The following KRT74 variants were observed in gnomAD, a reference collection of about 807,000 sequenced individuals.
KRT74 encodes keratin, type II cytoskeletal 74.
In KRT74, 43 loss-of-function variants were observed where a neutral mutation model predicts 42.7. The observed-to-expected ratio is 1.01, with a 90% CI of 0.79 to 1.30. KRT74 has a LOEUF of 1.30. Ranked by LOEUF, KRT74 falls within the 50% of genes most tolerant of loss-of-function variation. The pLI is 0.00. For missense variants in KRT74, 736 were observed against 689.1 expected (o/e 1.07, Z -0.76); for synonymous variants, 302 against 279.0 (o/e 1.08, Z -0.82).
chr12:52,572,525 A>T lies in KRT74; in HGVS notation c.614T>A (p.Leu205Gln), dbSNP rs1375682323. 6.2e-7 allele frequency: 1 copy of T among 1,614,096 alleles called. No individual in the cohort carries two copies. Among genetic ancestry groups the T allele is most frequent in the Non-Finnish European group, 8.5e-7 (1 of 1,180,054 alleles). Residue 205 changes from leucine (L) to glutamine (Q), a missense_variant, in exon 2 of 9, where the codon CTG (leucine) becomes CAG (glutamine). By Grantham distance (113) the Leu-to-Gln change is moderately radical. Transcript: ENST00000305620. Reference sequence around the variant, plus strand: ...GTCCAGCCTCACCCTGTCCCCAGACAGTGTCTCCAGCTGCTTCCGCAGGTT... The same window carrying T: ...GTCCAGCCTCACCCTGTCCCCAGACTGTGTCTCCAGCTGCTTCCGCAGGTT... The part of the protein sequence containing the change: ...ISNLRKQLET[L>Q]SGDRVRLDSE...
At chr12:52,573,078 T>C (rs1337716630) in intron 1 of KRT74, among the ~76,000 whole-genome samples, 3 of 152,192 alleles carry the variant, frequency 2.0e-5, no homozygotes, top group Non-Finnish European at 2.9e-5. Context: ...AGGGCTGCTC[T>C]TTACCCAGCT....
chr12:52,568,777 T>G (rs531039362), intron 6 of KRT74, among the ~76,000 whole-genome samples: 2 of 152,338 alleles, frequency 1.3e-5, no homozygotes, highest in Non-Finnish European at 2.9e-5. Context: ...GTGATCAGAT[T>G]CCTGCTGCAG....
rs759304994 is a variant in KRT74, at chr12:52,573,635, C to T, written c.143G>A (p.Arg48Gln). Residue 48 changes from arginine (R) to glutamine (Q), a missense_variant, in exon 1 of 9, where the codon CGG becomes CAG. Coordinates refer to ENST00000305620, the MANE Select transcript of KRT74 (RefSeq NM_175053.4). ...GRGAGAGFGS[R>Q]SLYSLGGNRR... ...ATTCCCTCCAAGGCTATAGAGGCTC[C>T]GACTGCCAAAGCCAGCGCCAGCCCC... The T allele has an allele frequency of 8.1e-5, 131 of 1,614,040 alleles. 1 individual carries two copies. In the Admixed American group the frequency reaches 1.9e-3, roughly 23 times the overall value.
chr12:52,570,180 A>G (rs1476268632), intron 5 of KRT74, among the ~76,000 whole-genome samples, 196 bp from the exon 6 acceptor site: 2 of 151,912 alleles, frequency 1.3e-5, no homozygotes, highest in African/African-American at 4.8e-5. Context: ...TACTCAGTTT[A>G]CCCAAAGCAT....
At chr12:52,572,409 G>C (rs1467177334) in intron 2 of KRT74, 44 bp downstream of exon 2, 3 of 1,600,338 alleles carry the variant, frequency 1.9e-6, no homozygotes, top group Non-Finnish European at 2.6e-6. Flanking sequence ...GAGCCCAGAG[G>C]CACGGGAAAC....
At chr12:52,569,160 T>G (rs73107551) in intron 6 of KRT74, among the ~76,000 whole-genome samples, 7,012 of 152,166 alleles carry the variant, frequency 0.046, 219 homozygotes, top group East Asian at 0.12. Flanking sequence ...GCAGACCTGG[T>G]TCTCAGAGAG....
intron 2 of KRT74, 108 bp downstream of exon 2, chr12:52,572,345 G>A (rs946754857): frequency 4.8e-5 from 57 of 1,175,844 alleles, no homozygotes; most frequent in Non-Finnish European, 6.7e-5. Context: ...GTGAGCTCCT[G>A]ACCCTGGTGC....
intron 2 of KRT74, 150 bp from the exon 3 acceptor site, chr12:52,572,154 G>GTTGCT (rs1410866232): frequency 2.7e-6 from 2 of 739,756 alleles, no homozygotes; most frequent in African/African-American, 3.5e-5. Flanking sequence ...ATATCCCTGA[G>GTTGCT]TTGCTTCACT....
rs1463416139 is a variant in KRT74, at chr12:52,569,979, C to T, written c.1014G>A (p.Gln338=). The change falls in exon 6 of 9, where the codon CAG becomes CAA. Residue 338 remains glutamine (Q), a synonymous_variant. Coordinates refer to ENST00000305620, the MANE Select transcript of KRT74 (RefSeq NM_175053.4). ...EAEALYQTKI[Q]ELQLAASRHG... is the part of the protein sequence containing the mutation. Reference sequence around the variant, plus strand: ...GCCGACTGGCTGCCAGCTGCAGCTCCTGGATCTGGTTTCCCAGAGATAGGA... The same window carrying T: ...GCCGACTGGCTGCCAGCTGCAGCTCTTGGATCTGGTTTCCCAGAGATAGGA... The T allele has an allele frequency of 3.7e-6, 6 of 1,613,984 alleles. No homozygotes were observed. In the African/African-American group the frequency reaches 8.0e-5, roughly 22 times the overall value.
rs1168167573 is a variant in KRT74, at chr12:52,566,238, G to C, written c.*731C>G. On this transcript the variant is annotated 3_prime_UTR_variant, in exon 9 of 9. Transcript: ENST00000305620. ...CCTCTTGGGATCAGGCTCCCAGTCT[G>C]TTCCAAGGATGCTCATTGCATCTTC... 1.3e-5 allele frequency: 2 copies of C among 152,322 alleles called. No individual in the cohort carries two copies. The highest frequency in any genetic ancestry group is 3.4e-3 in the Middle Eastern group (1 of 294). The allele number at this position is 152,322 out of a possible 1,614,324, so 9.4% of individuals were successfully genotyped here. A position where few individuals can be genotyped will look rare whatever the true frequency, so the allele number is the denominator to read the frequency against.
chr12:52,569,217 G>A lies in KRT74; in HGVS notation c.1134+642C>T, dbSNP rs57873680. Among the ~76,000 whole-genome samples the A allele has an allele frequency of 4.4e-3, 668 of 152,122 alleles. 2 individuals carry two copies. Among genetic ancestry groups the A allele is most frequent in the African/African-American group, 0.015 (615 of 41,490 alleles). On this transcript the variant is annotated intron_variant, in intron 6 of 8. Transcript: ENST00000305620. ...CCTCCAATATCATCTCCCCACTGAC[G>A]CAGTGTTTAAAATTTGCTGCTGTCA...
chr12:52,567,809 G>A (rs1049571685), intron 7 of KRT74, 116 bp from the exon 8 acceptor site: 11 of 798,094 alleles, frequency 1.4e-5, no homozygotes, highest in East Asian at 5.1e-5. Context: ...AACAACTTAC[G>A]AAACTGACAC....
intron 2 of KRT74, 38 bp from the exon 3 acceptor site, chr12:52,572,042 G>A (rs1429664162): frequency 2.1e-6 from 3 of 1,460,510 alleles, no homozygotes; most frequent in East Asian, 4.5e-5. Context: ...AGCCCCCTTA[G>A]CCAAGGAACT....
At position 52,566,183 on chromosome 12, in the gene KRT74, A is replaced by T. The variant is rs1939377014; in HGVS notation, c.*786T>A. ...TGTCGGCCAGGCCTGACTCTGGCAC[A>T]TAGGTGGGTGACTGGGGCCAGTTCA... On this transcript the variant is annotated 3_prime_UTR_variant, in exon 9 of 9. Coordinates refer to ENST00000305620, the MANE Select transcript of KRT74 (RefSeq NM_175053.4). 1 of 152,226 alleles carries T rather than the reference A, an allele frequency of 6.6e-6. No homozygotes were observed. The highest frequency in any genetic ancestry group is 1.5e-5 in the Non-Finnish European group (1 of 68,044). The allele number at this position is 152,226 out of a possible 1,614,324, so 9.4% of individuals were successfully genotyped here. A position where few individuals can be genotyped will look rare whatever the true frequency, so the allele number is the denominator to read the frequency against.
chr12:52,571,477 T>A (rs370254256), intron 3 of KRT74, 23 bp from the exon 4 acceptor site: 42 of 1,568,352 alleles, frequency 2.7e-5, no homozygotes, highest in Non-Finnish European at 3.6e-5. Context: ...CCCAGAGTCA[T>A]TGGGGGATGC....
chr12:52,571,814 A>G, intron 3 of KRT74, 130 bp downstream of exon 3: 2 of 782,532 alleles, frequency 2.6e-6, no homozygotes, highest in Non-Finnish European at 4.7e-6. Flanking sequence ...CTATGACTCC[A>G]CCCTCACCAG....
rs577205374 is a variant in KRT74 at position 52,570,317 on chromosome 12, C to G, written c.1009-333G>C. ...CCCACCAAATTCACCCATGGCTACA[C>G]TCCCGCAAGTCTGTGATTCTCCCTC... On this transcript the variant is annotated intron_variant, in intron 5 of 8. Coordinates refer to ENST00000305620, the MANE Select transcript of KRT74 (RefSeq NM_175053.4). 3.3e-5 allele frequency among the ~76,000 whole-genome samples: 5 copies of G among 152,328 alleles called. No individual in the cohort carries two copies. The East Asian group carries it at 7.7e-4, about 24-fold the overall frequency.
In KRT74 at chr12:52,566,827, A is replaced by G. The variant is rs1939389225; in HGVS notation, c.*142T>C. The G allele has an allele frequency of 1.6e-6, 1 of 624,906 alleles. No individual in the cohort carries two copies. Among genetic ancestry groups the G allele is most frequent in the Non-Finnish European group, 2.7e-6 (1 of 368,622 alleles). The allele number at this position is 624,906 out of a possible 1,614,324, so 38.7% of individuals were successfully genotyped here. A position where few individuals can be genotyped will look rare whatever the true frequency, so the allele number is the denominator to read the frequency against. ...TGTGTCAATCAGAGCTTGAAAGTAAAAGCTAAACCACGATGCAGACAGTTG... is the reference window on the plus strand; with the variant it reads ...TGTGTCAATCAGAGCTTGAAAGTAAGAGCTAAACCACGATGCAGACAGTTG... On this transcript the variant is annotated 3_prime_UTR_variant, in exon 9 of 9. Coordinates refer to ENST00000305620, the MANE Select transcript of KRT74 (RefSeq NM_175053.4).
rs763746824 is a variant in KRT74 at position 52,572,003 on chromosome 12, A to G, written c.688T>C (p.Tyr230His). The G allele has an allele frequency of 1.5e-5, 24 of 1,588,972 alleles. No individual in the cohort carries two copies. Among genetic ancestry groups the G allele is most frequent in the Non-Finnish European group, 1.8e-5 (21 of 1,157,610 alleles). Reference protein sequence around the residue: ...RDLVEDYKKRYEVEINRRTTA... With the variant: ...RDLVEDYKKRHEVEINRRTTA... ...GTGCGCCGGTTAATCTCCACTTCAT[A>G]TCTGCCAGCAGGGAGAGTAGATGGC... is the stretch of plus-strand genomic sequence containing the variant. Residue 230 changes from tyrosine (Y) to histidine (H), a missense_variant and splice_region_variant, in exon 3 of 9, where the codon TAT (tyrosine) becomes CAT (histidine). Coordinates refer to ENST00000305620, the MANE Select transcript of KRT74 (RefSeq NM_175053.4).
Sources: allele counts gnomAD v4.1 joint callset (sites outside exome capture counted in the v4.1 genomes callset), GRCh38; gene constraint gnomAD v4.1.1; transcripts MANE v1.5; gene names NCBI Gene and HGNC (gene_info 2026-07-23, HGNC 2026-07-21).